The following OPCML variants were observed in gnomAD, a reference collection of about 807,000 sequenced individuals.
OPCML encodes opioid binding protein/cell adhesion molecule like.
Under a neutral mutation model 37.8 loss-of-function variants are expected in OPCML, and 13 were observed. That is an observed-to-expected ratio of 0.34 (90% CI 0.22 to 0.55). OPCML has a LOEUF of 0.55. Among genes scored for constraint, OPCML ranks in the 20% least tolerant of loss-of-function variants. OPCML has a pLI of 0.91. For missense variants in OPCML, 341 were observed against 435.6 expected (o/e 0.78, Z 1.93); for synonymous variants, 176 against 168.8 (o/e 1.04, Z -0.33).
intron 3 of OPCML, among the ~76,000 whole-genome samples, chr11:132,619,605 C>T (rs938966355): frequency 2.0e-5 from 3 of 150,220 alleles, no homozygotes; most frequent in Non-Finnish European, 3.0e-5. Context: ...TTTGGGAGGC[C>T]GAGGCAGACG....
rs1401081075 is a variant in OPCML, at chr11:132,657,003, G to A, written c.379+84C>T. On this transcript the variant is annotated intron_variant, in intron 3 of 7. Transcript: ENST00000524381. ...AGAGGAAGATGACTTTTGTGTCTTCGCACACAGGTAGAACAAACACCAACA... is the reference window on the plus strand; with the variant it reads ...AGAGGAAGATGACTTTTGTGTCTTCACACACAGGTAGAACAAACACCAACA... 26 of 1,543,736 alleles carry A rather than the reference G, an allele frequency of 1.7e-5. No homozygotes were observed. The South Asian group carries it at 2.4e-4, about 14-fold the overall frequency.
At chr11:132,422,238 A>T (rs1281184957) in intron 7 of OPCML, among the ~76,000 whole-genome samples, 1 of 152,162 alleles carries the variant, frequency 6.6e-6, no homozygotes, top group East Asian at 1.9e-4. Flanking sequence ...TTCTATCCCA[A>T]GTTCTACCAG....
At chr11:132,791,058 T>C (rs2136178441) in intron 2 of OPCML, among the ~76,000 whole-genome samples, 1 of 152,330 alleles carries the variant, frequency 6.6e-6, no homozygotes, top group Non-Finnish European at 1.5e-5. Flanking sequence ...GTCATTTCGC[T>C]GGACTGGCTG....
At chr11:133,104,909 G>A (rs1235868740) in intron 1 of OPCML, among the ~76,000 whole-genome samples, 2 of 152,110 alleles carry the variant, frequency 1.3e-5, no homozygotes, top group Non-Finnish European at 2.9e-5. Context: ...TTCCTATAAA[G>A]GTCACTCTCA....
intron 1 of OPCML, among the ~76,000 whole-genome samples, chr11:133,182,266 TA>T (rs1381186167): frequency 1.3e-5 from 2 of 152,224 alleles, no homozygotes; most frequent in African/African-American, 4.8e-5. Flanking sequence ...AAATTCATGC[TA>T]AAATGATACC....
intron 1 of OPCML, among the ~76,000 whole-genome samples, chr11:133,087,308 G>A (rs554499561): frequency 1.3e-5 from 2 of 152,004 alleles, no homozygotes; most frequent in African/African-American, 4.8e-5. Flanking sequence ...ATTATTTTAG[G>A]TGTAGGGGCT....
chr11:132,903,547 C>T (rs556864082), intron 2 of OPCML, among the ~76,000 whole-genome samples: 16 of 152,252 alleles, frequency 1.1e-4, no homozygotes, highest in African/African-American at 3.6e-4. Flanking sequence ...GGACATGCCT[C>T]ATTATACCCT....
intron 4 of OPCML, among the ~76,000 whole-genome samples, chr11:132,489,310 A>G (rs554240224): frequency 6.6e-5 from 10 of 152,284 alleles, no homozygotes; most frequent in Admixed American, 5.9e-4. Context: ...TGTGATAACA[A>G]TGCCTTCTTT....
intron 2 of OPCML, among the ~76,000 whole-genome samples, chr11:132,790,593 C>T (rs897847746): frequency 6.6e-5 from 10 of 152,298 alleles, no homozygotes; most frequent in African/African-American, 1.2e-4. Context: ...GACTGAGCAG[C>T]GAGTGATTGT....
At chr11:132,877,272 C>T (rs1443573144) in intron 2 of OPCML, among the ~76,000 whole-genome samples, 2 of 152,164 alleles carry the variant, frequency 1.3e-5, no homozygotes, top group East Asian at 1.9e-4. Context: ...CAGTCATTGA[C>T]AGGAACTAAG....
At chr11:133,117,563 C>T (rs1009257887) in intron 1 of OPCML, among the ~76,000 whole-genome samples, 16 of 152,048 alleles carry the variant, frequency 1.1e-4, no homozygotes, top group Admixed American at 1.3e-4. Flanking sequence ...GGTAGTTTTT[C>T]GATGTTATGC....
chr11:132,441,682 T>C (rs1418784073), intron 4 of OPCML, among the ~76,000 whole-genome samples: 1 of 152,174 alleles, frequency 6.6e-6, no homozygotes, highest in Non-Finnish European at 1.5e-5. Context: ...GGAAGAAATA[T>C]GTAAAAACTG....
intron 1 of OPCML, among the ~76,000 whole-genome samples, chr11:133,485,199 T>TA (rs1947501133): frequency 6.6e-6 from 1 of 152,118 alleles, no homozygotes; most frequent in Non-Finnish European, 1.5e-5. Context: ...TGACTGGATA[T>TA]AAAAGAAATA....
intron 3 of OPCML, among the ~76,000 whole-genome samples, chr11:132,643,948 G>T (rs540633824): frequency 6.6e-6 from 1 of 152,164 alleles, no homozygotes; most frequent in African/African-American, 2.4e-5. Flanking sequence ...CAAGCAACCT[G>T]TACCTTGGAA....
intron 2 of OPCML, among the ~76,000 whole-genome samples, chr11:132,801,503 T>C (rs1472174096): frequency 6.6e-6 from 1 of 152,114 alleles, no homozygotes; most frequent in Non-Finnish European, 1.5e-5. Flanking sequence ...TGGAACCAAT[T>C]CCAGGTATAT....
chr11:132,460,326 A>C (rs2096096947), intron 4 of OPCML, among the ~76,000 whole-genome samples: 1 of 152,068 alleles, frequency 6.6e-6, no homozygotes, highest in Middle Eastern at 3.2e-3. Flanking sequence ...TGAAACCTCC[A>C]TTGCTTTTGT....
intron 1 of OPCML, among the ~76,000 whole-genome samples, chr11:133,153,706 C>T (rs1380033623): frequency 6.6e-6 from 1 of 152,148 alleles, no homozygotes; most frequent in East Asian, 1.9e-4. Context: ...CCTGGGCCTC[C>T]ACTTTCCCAT....
intron 2 of OPCML, among the ~76,000 whole-genome samples, chr11:132,779,029 G>T (rs1242091199): frequency 7.3e-6 from 1 of 137,072 alleles, no homozygotes; most frequent in Non-Finnish European, 1.5e-5. Context: ...GTGCAGTGGT[G>T]CCATCTCCGC....
At chr11:133,201,539 G>A (rs1286745313) in intron 1 of OPCML, among the ~76,000 whole-genome samples, 2 of 152,130 alleles carry the variant, frequency 1.3e-5, no homozygotes, top group African/African-American at 4.8e-5. Context: ...AAGTAAGTAG[G>A]TAAGTGGCAT....
Sources: allele counts gnomAD v4.1 joint callset (sites outside exome capture counted in the v4.1 genomes callset), GRCh38; gene constraint gnomAD v4.1.1; transcripts MANE v1.5; gene names NCBI Gene and HGNC (gene_info 2026-07-23, HGNC 2026-07-21).